LINGO2: variants seen among roughly 807,000 people sequenced by gnomAD.
LINGO2 encodes the protein leucine-rich repeat and immunoglobulin-like domain-containing nogo receptor-interacting protein 2.
Under a neutral mutation model 30.6 loss-of-function variants are expected in LINGO2, and 14 were observed. The ratio of observed to expected loss-of-function variants is 0.46; its 90% CI spans 0.30 to 0.72. The LOEUF (loss-of-function observed/expected upper bound fraction) is 0.72, where lower values mean the gene tolerates loss of function less well. LINGO2 is among the 30% of genes least tolerant of loss of function. LINGO2 has a pLI of 0.07. For missense variants in LINGO2, 729 were observed against 751.7 expected, an observed-to-expected ratio of 0.97 and a Z score of 0.35; for synonymous variants, 317 against 288.5, an observed-to-expected ratio of 1.10 and a Z score of -1.00.
At chr9:28,642,997 C>G (rs1027886755) in intron 1 of LINGO2, among the ~76,000 whole-genome samples, 24 of 151,808 alleles carry the variant, frequency 1.6e-4, no homozygotes, top group Non-Finnish European at 2.9e-5. Context: ...TGAAATAGCT[C>G]AATAATGAAA....
At chr9:27,990,469 C>CCT (rs1554650650) in intron 5 of LINGO2, among the ~76,000 whole-genome samples, 1 of 124,252 alleles carries the variant, frequency 8.0e-6, no homozygotes, top group Admixed American at 7.8e-5. Context: ...AATACCCCCC[C>CCT]CCCTTTTATT....
chr9:28,718,011 T>C, the LINGO2 span, among the ~76,000 whole-genome samples: 25 of 152,052 alleles, frequency 1.6e-4, no homozygotes, highest in African/African-American at 5.8e-4. Context: ...CCAAGCAACA[T>C]AGATTCCTTA....
chr9:29,007,050 A>T, the LINGO2 span, among the ~76,000 whole-genome samples: 5 of 152,098 alleles, frequency 3.3e-5, no homozygotes, highest in African/African-American at 1.2e-4. Flanking sequence ...CCTACTGAGG[A>T]AAATTAATTT....
the LINGO2 span, among the ~76,000 whole-genome samples, chr9:28,747,114 C>G: frequency 6.6e-6 from 1 of 151,860 alleles, no homozygotes; most frequent in Non-Finnish European, 1.5e-5. Context: ...GCCAACCACA[C>G]CCCCCTATCC....
At chr9:28,465,852 G>A (rs1825279284) in intron 2 of LINGO2, among the ~76,000 whole-genome samples, 1 of 152,116 alleles carries the variant, frequency 6.6e-6, no homozygotes, top group African/African-American at 2.4e-5. Context: ...ACAGGCATAT[G>A]AAAAAGGTAC....
chr9:28,053,939 A>G (rs1298656078), intron 4 of LINGO2, among the ~76,000 whole-genome samples: 1 of 152,072 alleles, frequency 6.6e-6, no homozygotes. Context: ...AGTAACAGAT[A>G]TGGGGTAAAA....
chr9:28,938,088 G>C, the LINGO2 span, among the ~76,000 whole-genome samples: 1 of 152,182 alleles, frequency 6.6e-6, no homozygotes, highest in Non-Finnish European at 1.5e-5. Context: ...TTTGCAGCCA[G>C]AGAGCCAGTT....
At chr9:28,748,515 G>C in the LINGO2 span, among the ~76,000 whole-genome samples, 1 of 151,934 alleles carries the variant, frequency 6.6e-6, no homozygotes, top group South Asian at 2.1e-4. Flanking sequence ...CACTGTTTTT[G>C]TTATTGAGAG....
At chr9:28,015,032 T>C (rs918247819) in intron 4 of LINGO2, among the ~76,000 whole-genome samples, 2 of 152,076 alleles carry the variant, frequency 1.3e-5, no homozygotes, top group Non-Finnish European at 2.9e-5. Context: ...TTTTAGTGGG[T>C]AGAGTTATAT....
the LINGO2 span, among the ~76,000 whole-genome samples, chr9:29,062,935 G>C: frequency 2.0e-5 from 3 of 152,046 alleles, no homozygotes; most frequent in African/African-American, 7.2e-5. Flanking sequence ...CCCTGACCTG[G>C]AGGGAACCAA....
chr9:29,156,006 A>G, the LINGO2 span, among the ~76,000 whole-genome samples: 62 of 152,242 alleles, frequency 4.1e-4, no homozygotes, highest in African/African-American at 1.4e-3. Context: ...TTACCATAAC[A>G]TTCCAGGAGA....
chr9:28,741,122 T>C, the LINGO2 span, among the ~76,000 whole-genome samples: 3 of 151,884 alleles, frequency 2.0e-5, no homozygotes, highest in Admixed American at 6.6e-5. Flanking sequence ...GGGGTAAACA[T>C]AGTATCTCAG....
the LINGO2 span, among the ~76,000 whole-genome samples, chr9:28,742,824 T>G: frequency 7.4e-6 from 1 of 135,024 alleles, no homozygotes; most frequent in African/African-American, 2.8e-5. Context: ...TCAAACACAG[T>G]TGTATTTCCT....
chr9:28,798,989 C>T, the LINGO2 span, among the ~76,000 whole-genome samples: 1 of 151,818 alleles, frequency 6.6e-6, no homozygotes, highest in African/African-American at 2.4e-5. Flanking sequence ...GAAGGAGGAA[C>T]AGAAAAAATT....
intron 4 of LINGO2, among the ~76,000 whole-genome samples, chr9:28,026,931 T>G (rs1823406568): frequency 6.6e-6 from 1 of 152,194 alleles, no homozygotes; most frequent in Non-Finnish European, 1.5e-5. Flanking sequence ...ATCTCCTGTG[T>G]GTGTTGCTCA....
the LINGO2 span, among the ~76,000 whole-genome samples, chr9:28,948,645 C>T: frequency 6.6e-6 from 1 of 152,020 alleles, no homozygotes. Context: ...CAGGCTAGGT[C>T]TATACCCTTT....
At chr9:29,053,219 A>T in the LINGO2 span, among the ~76,000 whole-genome samples, 1 of 152,178 alleles carries the variant, frequency 6.6e-6, no homozygotes, top group African/African-American at 2.4e-5. Flanking sequence ...ATCTTAATAC[A>T]CTTGTTTTAA....
chr9:29,099,153 A>G, the LINGO2 span, among the ~76,000 whole-genome samples: 35,902 of 152,096 alleles, frequency 0.24, 4,370 homozygotes, highest in East Asian at 0.41. Context: ...TTCAATCGAT[A>G]GTGCTGGGAA....
At chr9:28,442,450 A>G (rs1435599745) in intron 2 of LINGO2, among the ~76,000 whole-genome samples, 1 of 152,316 alleles carries the variant, frequency 6.6e-6, no homozygotes, top group Non-Finnish European at 1.5e-5. Flanking sequence ...GTAAATGTGT[A>G]CAATTATAAT....
Sources: allele counts gnomAD v4.1 joint callset (sites outside exome capture counted in the v4.1 genomes callset), GRCh38; gene constraint gnomAD v4.1.1; transcripts MANE v1.5; gene names NCBI Gene and HGNC (gene_info 2026-07-23, HGNC 2026-07-21).